The following ELMOD3 variants were observed in gnomAD, a reference collection of about 807,000 sequenced individuals.
ELMOD3 encodes the protein ELMO domain containing 3.
In ELMOD3, 36 loss-of-function variants were observed where a neutral mutation model predicts 47.4. That is an observed-to-expected ratio of 0.76 (90% CI 0.58 to 1.00). The LOEUF is 1.00. Ranked by LOEUF, ELMOD3 falls within the 50% of genes least tolerant of loss-of-function variation. The probability of loss-of-function intolerance (pLI) is 0.00; values close to 1 mark genes in which losing one functional copy is unlikely to be tolerated. For synonymous variants in ELMOD3, 149 were observed against 183.5 expected, an observed-to-expected ratio of 0.81 and a Z score of 1.52; for missense variants, 404 against 463.8, an observed-to-expected ratio of 0.87 and a Z score of 1.18.
At chr2:85,377,175 C>A (rs762362640) in intron 10 of ELMOD3, among the ~76,000 whole-genome samples, 169 bp from the exon 11 acceptor site, 48 of 152,326 alleles carry the variant, frequency 3.2e-4, no homozygotes, top group Non-Finnish European at 5.4e-4. Context: ...TGGTGCATAG[C>A]CCCTGCTTAG....
chr2:85,363,104 A>G lies in ELMOD3; in HGVS notation c.137A>G (p.Glu46Gly). The G allele has an allele frequency of 6.2e-7, 1 of 1,608,678 alleles. No individual in the cohort carries two copies. ...VLAFRGIPIS[E>G]LKNHGILQAL... is the part of the protein sequence containing the mutation. The stretch of plus-strand genomic sequence containing the variant: ...GGTCAGCTGCCTCTACAGATCTCAG[A>G]GTTGAAGAACCATGGCATTCTCCAG... Residue 46 changes from glutamate (E) to glycine (G), a missense_variant, in exon 6 of 14, where the codon GAG becomes GGG. Transcript: ENST00000409013.
chr2:85,358,703 G>A (rs1274762273), intron 4 of ELMOD3, among the ~76,000 whole-genome samples: 1 of 152,056 alleles, frequency 6.6e-6, no homozygotes, highest in Non-Finnish European at 1.5e-5. Flanking sequence ...AAAAAAAGCA[G>A]AAGGATTAGA....
intron 5 of ELMOD3, 60 bp downstream of exon 5, chr2:85,362,320 GGTGCCAGAACT>G: frequency 9.4e-7 from 1 of 1,064,036 alleles, no homozygotes; most frequent in Non-Finnish European, 1.5e-6. Context: ...GTTACTGTGT[GGTGCCAGAACT>G]GTGGTAGACG....
At chr2:85,360,161 G>C (rs1307826929) in intron 4 of ELMOD3, among the ~76,000 whole-genome samples, 1 of 150,792 alleles carries the variant, frequency 6.6e-6, no homozygotes, top group African/African-American at 2.4e-5. Context: ...AGCTACTCAG[G>C]AGTCTGAGGC....
At position 85,357,058 on chromosome 2, in the gene ELMOD3, T is replaced by C; in HGVS notation, c.-141T>C. ...TGGCACAAAGGGACTGTTTTCTTAC[T>C]CTTAGTCTGAGTGACTGCCAAGGAA... is the stretch of plus-strand genomic sequence containing the variant. On this transcript the variant is annotated 5_prime_UTR_variant, in exon 4 of 14. Coordinates refer to ENST00000409013, the MANE Select transcript of ELMOD3 (RefSeq NM_001135022.2). 1 of 611,472 alleles carries C rather than the reference T, an allele frequency of 1.6e-6. No individual in the cohort carries two copies. The highest frequency in any genetic ancestry group is 2.9e-6 in the Non-Finnish European group (1 of 346,646). 37.9% of individuals were successfully genotyped at this position (611,472 alleles called of 1,614,324 possible).
chr2:85,387,746 G>T (rs1259140372), intron 11 of ELMOD3, among the ~76,000 whole-genome samples: 1 of 151,648 alleles, frequency 6.6e-6, no homozygotes, highest in Non-Finnish European at 1.5e-5. Context: ...TGTGGCACTA[G>T]CGCTGGATTT....
rs368414084 is a variant in ELMOD3 at position 85,377,402 on chromosome 2, C to T, written c.666C>T (p.Leu222=). The change falls in exon 11 of 14, where the codon CTC becomes CTT. Residue 222 remains leucine, a synonymous_variant. Transcript: ENST00000409013. The stretch of plus-strand genomic sequence containing the variant: ...GCTTCCTTGCCCTCCTGCATCTGCT[C>T]TACCTGGTGATGGACTCAAAGACCT... The part of the protein sequence containing the change: ...GAGFLALLHL[L]YLVMDSKTLP... 3 of 1,611,332 alleles carry T rather than the reference C, an allele frequency of 1.9e-6. No individual in the cohort carries two copies. The highest frequency in any genetic ancestry group is 2.5e-6 in the Non-Finnish European group (3 of 1,178,752).
intron 13 of ELMOD3, chr2:85,390,500 C>G: frequency 6.2e-7 from 1 of 1,600,790 alleles, no homozygotes; most frequent in Non-Finnish European, 8.5e-7. Context: ...ATATTCTGAT[C>G]AAAAATTGGG....
At chr2:85,369,947 C>A in intron 8 of ELMOD3, 117 bp downstream of exon 8, 1 of 1,311,494 alleles carries the variant, frequency 7.6e-7, no homozygotes, top group Non-Finnish European at 1.0e-6. Context: ...ATCTTGGTGC[C>A]CAGGATCATG....
chr2:85,362,694 G>A (rs989372894), intron 5 of ELMOD3, among the ~76,000 whole-genome samples: 5 of 152,188 alleles, frequency 3.3e-5, no homozygotes, highest in Admixed American at 1.3e-4. Context: ...TGAGGCAGGC[G>A]GATCACTTGA....
Position 85,376,333 on chromosome 2 carries a change from T to C in ELMOD3, c.608-1011T>C, listed in dbSNP as rs1685165842. 6.6e-6 allele frequency among the ~76,000 whole-genome samples: 1 copy of C among 152,200 alleles called. No individual in the cohort carries two copies. The highest frequency in any genetic ancestry group is 1.5e-5 in the Non-Finnish European group (1 of 68,034). Reference sequence around the variant, plus strand: ...CTTAAATCTTCTACTTTAGCAGGCCTCCCCTGTTACTGTGCCAGCAGGGGA... The same window carrying C: ...CTTAAATCTTCTACTTTAGCAGGCCCCCCCTGTTACTGTGCCAGCAGGGGA... On this transcript the variant is annotated intron_variant, in intron 10 of 13. Coordinates refer to ENST00000409013, the MANE Select transcript of ELMOD3 (RefSeq NM_001135022.2). This position sits in a 1 kb window ranked among gnomAD's most constrained non-coding sequence, Gnocchi z 4.2.
intron 5 of ELMOD3, 105 bp from the exon 6 acceptor site, chr2:85,362,992 T>C (rs1684091773): frequency 5.8e-6 from 4 of 693,482 alleles, no homozygotes; most frequent in Admixed American, 2.4e-5. Context: ...CTAGGTCCTT[T>C]TGGCCTCCAG....
intron 11 of ELMOD3, chr2:85,387,005 A>G: frequency 3.2e-6 from 4 of 1,238,070 alleles, no homozygotes; most frequent in Non-Finnish European, 4.2e-6. Flanking sequence ...TCCGTCTCAA[A>G]AAAAGAATGT....
At position 85,376,577 on chromosome 2, in the gene ELMOD3, C is replaced by G. The variant is rs1222301289; in HGVS notation, c.608-767C>G. Among the ~76,000 whole-genome samples, 2 of 152,236 alleles carry G rather than the reference C, an allele frequency of 1.3e-5. No homozygotes were observed. The highest frequency in any genetic ancestry group is 2.9e-5 in the Non-Finnish European group (2 of 68,030). ...GTCCCAGCTCCCTGCCCGGCCTTCTCTGACGCTACCCTTGTGGAGCTAAGG... is the reference window on the plus strand; with the variant it reads ...GTCCCAGCTCCCTGCCCGGCCTTCTGTGACGCTACCCTTGTGGAGCTAAGG... On this transcript the variant is annotated intron_variant, in intron 10 of 13. Transcript: ENST00000409013. This position sits in a 1 kb window ranked among gnomAD's most constrained non-coding sequence, Gnocchi z 4.2.
intron 4 of ELMOD3, among the ~76,000 whole-genome samples, chr2:85,361,158 C>G (rs576630583): frequency 6.6e-6 from 1 of 152,180 alleles, no homozygotes; most frequent in East Asian, 1.9e-4. Flanking sequence ...AAAATTAGCT[C>G]TGTATCTGTG....
At chr2:85,383,549 C>T (rs918411595) in intron 11 of ELMOD3, among the ~76,000 whole-genome samples, 2 of 152,122 alleles carry the variant, frequency 1.3e-5, no homozygotes, top group Non-Finnish European at 2.9e-5. Context: ...GTCTTGAACT[C>T]CTTACCTCAG....
chr2:85,364,825 ATTTT>A (rs869054374), intron 6 of ELMOD3, among the ~76,000 whole-genome samples: 71 of 69,866 alleles, frequency 1.0e-3, no homozygotes, highest in East Asian at 7.0e-3. Context: ...ATATATATAT[ATTTT>A]TTTTTTTTTT....
intron 6 of ELMOD3, among the ~76,000 whole-genome samples, chr2:85,365,486 A>G (rs1403826444): frequency 6.6e-6 from 1 of 152,218 alleles, no homozygotes; most frequent in East Asian, 1.9e-4. Flanking sequence ...ATAAAAAGGA[A>G]AAAAGATAAC....
At position 85,357,235 on chromosome 2, in the gene ELMOD3, G is replaced by A. The variant is rs761309073; in HGVS notation, c.37G>A (p.Glu13Lys). 2.5e-6 allele frequency: 4 copies of A among 1,606,592 alleles called. No homozygotes were observed. Among genetic ancestry groups the A allele is most frequent in the Non-Finnish European group, 3.4e-6 (4 of 1,174,846 alleles). The change falls in exon 4 of 14, where the codon GAA (glutamate) becomes AAA (lysine). Residue 13 changes from glutamate to lysine, a missense_variant. By Grantham distance (56) the Glu-to-Lys change is moderately conservative. Transcript: ENST00000409013. Reference protein sequence around the residue: ...EKSCSFHSKEELRDGQGERLS... With the variant: ...EKSCSFHSKEKLRDGQGERLS... ...ATCTTGCTCTTTCCATAGTAAAGAA[G>A]AATTAAGAGATGGACAGGTAAGCAT...
Sources: allele counts gnomAD v4.1 joint callset (sites outside exome capture counted in the v4.1 genomes callset), GRCh38; gene constraint gnomAD v4.1.1; non-coding constraint Gnocchi (gnomAD v3.1); transcripts MANE v1.5; gene names NCBI Gene and HGNC (gene_info 2026-07-23, HGNC 2026-07-21).